The following USH2A variants were observed in gnomAD, a reference collection of about 807,000 sequenced individuals.
The protein encoded by USH2A is usherin, also known as Usher syndrome 2A (autosomal recessive, mild).
In USH2A, 443 loss-of-function variants were observed where a neutral mutation model predicts 538.9. That is an observed-to-expected ratio of 0.82 (90% CI 0.76 to 0.89). The LOEUF is 0.89. Among genes scored for constraint, USH2A ranks in the 40% least tolerant of loss-of-function variants. USH2A has a pLI of 0.00. For synonymous variants in USH2A, 2,413 were observed against 2,273.5 expected (o/e 1.06, Z -1.75); for missense variants, 6,633 against 6,324.8 (o/e 1.05, Z -1.65).
intron 35 of USH2A, among the ~76,000 whole-genome samples, chr1:215,979,144 C>T (rs548877261): frequency 2.0e-5 from 3 of 152,222 alleles, no homozygotes; most frequent in East Asian, 1.9e-4. Flanking sequence ...GGTAAGACAG[C>T]TTTTGCAGGG....
At chr1:215,993,268 T>A (rs1668048878) in intron 34 of USH2A, 101 bp from the exon 35 acceptor site, 1 of 1,553,338 alleles carries the variant, frequency 6.4e-7, no homozygotes. Context: ...GATTTTGTTA[T>A]ATAGTGCTAC....
chr1:216,391,222 T>G (rs949173189), intron 3 of USH2A, among the ~76,000 whole-genome samples: 3 of 152,198 alleles, frequency 2.0e-5, no homozygotes, highest in Non-Finnish European at 4.4e-5. Context: ...TGCGAGAAGT[T>G]GCAGCTCATC....
intron 13 of USH2A, among the ~76,000 whole-genome samples, chr1:216,239,919 G>C (rs1397741649): frequency 4.9e-5 from 7 of 141,816 alleles, no homozygotes; most frequent in Non-Finnish European, 7.6e-5. Context: ...GGTCTGAAAA[G>C]ATTAAAACCT....
chr1:215,783,782 G>A (rs1661714554), intron 52 of USH2A, among the ~76,000 whole-genome samples: 2 of 152,164 alleles, frequency 1.3e-5, no homozygotes, highest in Non-Finnish European at 2.9e-5. Context: ...GTTAGCTTCT[G>A]GATGACTCTT....
Position 216,086,915 on chromosome 1 carries a change from C to T in USH2A, c.4886-95G>A, listed in dbSNP as rs146923644. 9.7e-4 allele frequency: 914 copies of T among 944,214 alleles called. 6 individuals carry two copies. In the African/African-American group the frequency reaches 0.013, roughly 14 times the overall value. The allele number at this position is 944,214 out of a possible 1,614,324, so 58.5% of individuals were successfully genotyped here. On this transcript the variant is annotated intron_variant, in intron 23 of 71. Coordinates refer to ENST00000307340, the MANE Select transcript of USH2A (RefSeq NM_206933.4). ...AAATCCTTCACCAGCCTTTGGGATACCACTCTCTTGGTTTTCCTCTCTCCT... is the reference window on the plus strand; with the variant it reads ...AAATCCTTCACCAGCCTTTGGGATATCACTCTCTTGGTTTTCCTCTCTCCT...
rs747713862 is a variant in USH2A, at chr1:216,199,808, C to T, written c.3630G>A (p.Leu1210=). The change falls in exon 17 of 72, where the codon CTG becomes CTA. Residue 1210 remains leucine (L), a synonymous_variant. Transcript: ENST00000307340. ...AAAAATCGTACTTGGCAAATGGAACCAGATTCCAGATGGTAGCTGAGGTTT... is the reference window on the plus strand; with the variant it reads ...AAAAATCGTACTTGGCAAATGGAACTAGATTCCAGATGGTAGCTGAGGTTT... ...GHETSATIWN[L]VPFAKYDFSV... The T allele has an allele frequency of 3.1e-6, 5 of 1,614,108 alleles. No individual in the cohort carries two copies. The African/African-American group carries it at 5.3e-5, about 17-fold the overall frequency.
At chr1:216,243,516 G>A (rs1032842489) in intron 13 of USH2A, among the ~76,000 whole-genome samples, 2 of 152,102 alleles carry the variant, frequency 1.3e-5, no homozygotes, top group Non-Finnish European at 2.9e-5. Flanking sequence ...CTATTTGCCA[G>A]CCTCTTTTGC....
At chr1:215,883,371 T>G (rs904125898) in intron 41 of USH2A, among the ~76,000 whole-genome samples, 12 of 151,816 alleles carry the variant, frequency 7.9e-5, no homozygotes, top group Admixed American at 7.9e-4. Flanking sequence ...TTTTGGTGGG[T>G]GGGGGGGAAG....
chr1:216,078,605 G>A (rs1300991033), intron 26 of USH2A, among the ~76,000 whole-genome samples: 1 of 152,074 alleles, frequency 6.6e-6, no homozygotes, highest in African/African-American at 2.4e-5. Flanking sequence ...ATGATTATAG[G>A]ATGTGATGCG....
chr1:216,084,065 GC>G (rs2032037648), intron 25 of USH2A, among the ~76,000 whole-genome samples: 1 of 152,028 alleles, frequency 6.6e-6, no homozygotes, highest in Non-Finnish European at 1.5e-5. Context: ...TGATGAACAA[GC>G]CGGGTGCACC....
At chr1:216,370,686 A>AAAAAAAAAAAAAAAAC (rs1351063430) in intron 3 of USH2A, among the ~76,000 whole-genome samples, 1 of 149,816 alleles carries the variant, frequency 6.7e-6, no homozygotes, top group Non-Finnish European at 1.5e-5. Context: ...TCAAAAAAAA[A>AAAAAAAAAAAAAAAAC]AAAAAAAAAA....
chr1:216,119,519 G>C (rs1344030621), intron 21 of USH2A, among the ~76,000 whole-genome samples: 1 of 151,722 alleles, frequency 6.6e-6, no homozygotes, highest in Admixed American at 6.6e-5. Flanking sequence ...AAAGCAATAG[G>C]AACTCTATGT....
intron 37 of USH2A, among the ~76,000 whole-genome samples, chr1:215,950,676 T>A (rs1666890956): frequency 6.6e-6 from 1 of 151,334 alleles, no homozygotes; most frequent in South Asian, 2.1e-4. Flanking sequence ...CGGCTAATAT[T>A]TTTTTTTGTA....
intron 40 of USH2A, among the ~76,000 whole-genome samples, chr1:215,894,642 AC>A (rs1319743319): frequency 6.6e-6 from 1 of 152,166 alleles, no homozygotes; most frequent in African/African-American, 2.4e-5. Context: ...ACATTCGTTA[AC>A]CTAGCCAAGA....
chr1:216,070,058 A>T, intron 30 of USH2A, 43 bp downstream of exon 30: 7 of 1,605,332 alleles, frequency 4.4e-6, no homozygotes, highest in Middle Eastern at 1.7e-4. Flanking sequence ...TGCAAACAAA[A>T]AGGAAGTTAA....
At chr1:216,282,003 T>C (rs2036792365) in intron 11 of USH2A, among the ~76,000 whole-genome samples, 1 of 152,010 alleles carries the variant, frequency 6.6e-6, no homozygotes, top group African/African-American at 2.4e-5. Context: ...TTTTATATCT[T>C]CCTTAGAGAA....
intron 21 of USH2A, among the ~76,000 whole-genome samples, chr1:216,142,924 G>T (rs1358596243): frequency 3.3e-5 from 5 of 152,050 alleles, no homozygotes; most frequent in Admixed American, 3.3e-4. Flanking sequence ...AAGTGTCTTT[G>T]TTGACTAATG....
At chr1:215,933,990 T>C (rs1666429988) in intron 38 of USH2A, among the ~76,000 whole-genome samples, 1 of 152,032 alleles carries the variant, frequency 6.6e-6, no homozygotes, top group Admixed American at 6.6e-5. Flanking sequence ...AAAATAATGG[T>C]AATTGTGAAT....
intron 37 of USH2A, among the ~76,000 whole-genome samples, chr1:215,955,558 C>T (rs996009298): frequency 2.0e-5 from 3 of 152,166 alleles, no homozygotes; most frequent in African/African-American, 7.2e-5. Context: ...ATTTCTGCTT[C>T]TTGGGTGTAA....
Sources: allele counts gnomAD v4.1 joint callset (sites outside exome capture counted in the v4.1 genomes callset), GRCh38; gene constraint gnomAD v4.1.1; transcripts MANE v1.5; gene names NCBI Gene and HGNC (gene_info 2026-07-23, HGNC 2026-07-21).